NELFA: variants seen among roughly 807,000 people sequenced by gnomAD.
The protein encoded by NELFA is negative elongation factor complex member A.
NELFA carries 35 observed loss-of-function variants against 51.8 expected under a neutral mutation model. That is an observed-to-expected ratio of 0.68 (90% confidence interval 0.52 to 0.90). The LOEUF (loss-of-function observed/expected upper bound fraction) is 0.90, where lower values mean the gene tolerates loss of function less well. NELFA is among the 40% of genes least tolerant of loss of function. The pLI is 0.00. For synonymous variants in NELFA, 417 were observed against 338.4 expected, an observed-to-expected ratio of 1.23 and a Z score of -2.55; for missense variants, 658 against 746.4, an observed-to-expected ratio of 0.88 and a Z score of 1.38.
chr4:1,997,462 G>A (rs987401143), intron 1 of NELFA, among the ~76,000 whole-genome samples: 14 of 152,158 alleles, frequency 9.2e-5, no homozygotes, highest in Middle Eastern at 3.2e-3. Context: ...TAGGTTTACC[G>A]CAGGAATGCA....
In NELFA at chr4:1,989,930, G is replaced by T. The variant is rs1039846060; in HGVS notation, c.383-61C>A. ...AGGCCGCAGACCTCCCGGCTGAGAG[G>T]AGCTGGCGGCTGCCCAGCCCCACAC... is the stretch of plus-strand genomic sequence containing the variant. On this transcript the variant is annotated intron_variant, in intron 2 of 10. Transcript: ENST00000382882. This position sits in a 1 kb window ranked among gnomAD's most constrained non-coding sequence, Gnocchi z 4.8. 56 of 1,570,232 alleles carry T rather than the reference G, an allele frequency of 3.6e-5. No individual in the cohort carries two copies. The highest frequency in any genetic ancestry group is 4.8e-5 in the Non-Finnish European group (56 of 1,158,074).
intron 1 of NELFA, among the ~76,000 whole-genome samples, chr4:2,003,427 A>G (rs1390641654): frequency 2.0e-5 from 3 of 152,254 alleles, no homozygotes; most frequent in South Asian, 2.1e-4. Flanking sequence ...ACACACGTAC[A>G]GGTATGTTTA....
At chr4:2,007,219 A>C in intron 1 of NELFA, 1 of 333,628 alleles carries the variant, frequency 3.0e-6, no homozygotes, top group Non-Finnish European at 6.4e-6. Context: ...ACAAAACACA[A>C]ACACAAAAAC....
intron 1 of NELFA, among the ~76,000 whole-genome samples, chr4:1,997,475 G>C (rs562640819): frequency 2.9e-4 from 44 of 152,190 alleles, no homozygotes; most frequent in Admixed American, 4.6e-4. Context: ...GGAATGCAAG[G>C]TTGGTTTATA....
In NELFA at chr4:1,983,275, C is replaced by G; in HGVS notation, c.*44G>C. Reference sequence around the variant, plus strand: ...ACTTTAAGCTGGCAAAGCCATCGTCCCGTGGACCCCCACAAGTGACGGCCA... The same window carrying G: ...ACTTTAAGCTGGCAAAGCCATCGTCGCGTGGACCCCCACAAGTGACGGCCA... On this transcript the variant is annotated 3_prime_UTR_variant, in exon 11 of 11. Transcript: ENST00000382882. The G allele has an allele frequency of 6.3e-7, 1 of 1,577,394 alleles. No individual in the cohort carries two copies. The highest frequency in any genetic ancestry group is 1.3e-5 in the African/African-American group (1 of 74,512).
chr4:1,988,867 C>A (rs1728189307), intron 3 of NELFA, among the ~76,000 whole-genome samples: 1 of 152,112 alleles, frequency 6.6e-6, no homozygotes, highest in Non-Finnish European at 1.5e-5. Context: ...CCGTGCCCAA[C>A]AGCGTGACTC....
chr4:1,991,572 C>G lies in NELFA; in HGVS notation c.354G>C (p.Gln118His), dbSNP rs747585965. ...LELEEQNPNV[Q>H]DILGELREKV... The stretch of plus-strand genomic sequence containing the variant: ...TTTCTCTAAGTTCTCCCAAAATATC[C>G]TGAACGTTGGGATTCTGCTCCTCCA... Residue 118 changes from glutamine to histidine, a missense_variant, in exon 2 of 11, where the codon CAG becomes CAC. By Grantham distance (24) the Gln-to-His change is conservative. Transcript: ENST00000382882. 5.5e-5 allele frequency: 89 copies of G among 1,613,914 alleles called. No homozygotes were observed. Among genetic ancestry groups the G allele is most frequent in the Non-Finnish European group, 7.3e-5 (86 of 1,180,034 alleles).
At chr4:1,986,481 C>A (rs1373167338) in intron 4 of NELFA, 79 bp from the exon 5 acceptor site, 18 of 1,599,908 alleles carry the variant, frequency 1.1e-5, no homozygotes, top group Non-Finnish European at 1.3e-5. Flanking sequence ...ACGTCCCACC[C>A]TCTTCTAGGC....
chr4:1,995,283 G>A (rs1033053022), intron 1 of NELFA, among the ~76,000 whole-genome samples: 1 of 152,204 alleles, frequency 6.6e-6, no homozygotes, highest in Non-Finnish European at 1.5e-5. Context: ...GTGTGTGCAT[G>A]TATGTGTCTA....
intron 1 of NELFA, chr4:2,007,175 C>A: frequency 2.4e-6 from 1 of 415,982 alleles, no homozygotes; most frequent in Non-Finnish European, 5.0e-6. Context: ...CCACTGCACT[C>A]CAGCCTGGTT....
rs1202916976 is a variant in NELFA at position 1,993,795 on chromosome 4, C to CTT, written c.211-2082_211-2081dup. On this transcript the variant is annotated intron_variant, in intron 1 of 10. Coordinates refer to ENST00000382882, the MANE Select transcript of NELFA (RefSeq NM_005663.5). ...AAGGTGGGAACGAGCTCCCCTGGGCCTTTTTTTTTTTTTTTTTTTGAGACA... is the reference window on the plus strand; with the variant it reads ...AAGGTGGGAACGAGCTCCCCTGGGCCTTTTTTTTTTTTTTTTTTTTTGAGACA... 9.4e-3 allele frequency among the ~76,000 whole-genome samples: 1,121 copies of CTT among 118,930 alleles called. 24 individuals carry two copies. Among genetic ancestry groups the CTT allele is most frequent in the African/African-American group, 0.034 (1,042 of 30,732 alleles). 78.0% of individuals were successfully genotyped at this position (118,930 alleles called of 152,430 possible). A position where few individuals can be genotyped will look rare whatever the true frequency, so the allele number is the denominator to read the frequency against.
In NELFA at chr4:1,983,011, G is replaced by A. The variant is rs934579111; in HGVS notation, c.*308C>T. ...ATTTTAAAAAGTAAGAGTCTAACAG[G>A]CAGAGCTGTCACTAAAATTAGGAAG... On this transcript the variant is annotated 3_prime_UTR_variant, in exon 11 of 11. Transcript: ENST00000382882. 1 of 257,680 alleles carries A rather than the reference G, an allele frequency of 3.9e-6. No homozygotes were observed. The highest frequency in any genetic ancestry group is 7.3e-6 in the Non-Finnish European group (1 of 137,896). 16.0% of individuals were successfully genotyped at this position (257,680 alleles called of 1,614,324 possible).
At chr4:1,990,253 C>G (rs943083079) in intron 2 of NELFA, among the ~76,000 whole-genome samples, 21 of 152,296 alleles carry the variant, frequency 1.4e-4, no homozygotes, top group African/African-American at 5.1e-4. Flanking sequence ...TCTCTCTTCC[C>G]GTCCCCGAGG....
At chr4:1,984,566 C>T (rs921983799) in intron 8 of NELFA, among the ~76,000 whole-genome samples, 6 of 152,248 alleles carry the variant, frequency 3.9e-5, no homozygotes, top group East Asian at 1.9e-4. Flanking sequence ...CCCTTCCTGC[C>T]GTGTCCCCTG....
chr4:1,984,375 T>C (rs1043081167), intron 8 of NELFA, among the ~76,000 whole-genome samples: 3 of 152,110 alleles, frequency 2.0e-5, no homozygotes, highest in African/African-American at 7.2e-5. Context: ...CCCCATACCG[T>C]AGGCACTGCT....
chr4:2,008,853 G>A lies in NELFA; in HGVS notation c.107C>T (p.Ala36Val), dbSNP rs150929755. 54 of 1,605,866 alleles carry A rather than the reference G, an allele frequency of 3.4e-5. No individual in the cohort carries two copies. Among genetic ancestry groups the A allele is most frequent in the Admixed American group, 1.7e-5 (1 of 58,574 alleles). ...PPSIASLLTA[A>V]VIDNIRLCFH... ...GCAGAGACGGATGTTGTCGATGACCGCGGCCGTGAGCAGGGACGCGATGCT... is the reference window on the plus strand; with the variant it reads ...GCAGAGACGGATGTTGTCGATGACCACGGCCGTGAGCAGGGACGCGATGCT... Residue 36 changes from alanine to valine, a missense_variant, in exon 1 of 11, where the codon GCG (alanine) becomes GTG (valine). Physicochemically the swap from Ala to Val is moderately conservative, Grantham distance 64. Coordinates refer to ENST00000382882, the MANE Select transcript of NELFA (RefSeq NM_005663.5).
chr4:2,002,082 C>G (rs1372477798), intron 1 of NELFA, among the ~76,000 whole-genome samples: 1 of 151,840 alleles, frequency 6.6e-6, no homozygotes, highest in Admixed American at 6.6e-5. Context: ...CGCCTGTAGT[C>G]CCAGCTACTA....
At position 1,986,402 on chromosome 4, in the gene NELFA, G is replaced by T; in HGVS notation, c.635C>A (p.Thr212Asn). ...CTGCTTCGGGATGCCTTTGAGTGGG[G>T]CTGGAGGACGGCAACAGTCAGGGCG... Reference protein sequence around the residue: ...RGLLRKMDTTTPLKGIPKQAP... With the variant: ...RGLLRKMDTTNPLKGIPKQAP... Residue 212 changes from threonine to asparagine, a missense_variant and splice_region_variant, in exon 5 of 11, where the codon ACC becomes AAC. By Grantham distance (65) the Thr-to-Asn change is moderately conservative. Transcript: ENST00000382882. 6.2e-7 allele frequency: 1 copy of T among 1,612,522 alleles called. No homozygotes were observed. Among genetic ancestry groups the T allele is most frequent in the Non-Finnish European group, 8.5e-7 (1 of 1,179,562 alleles).
chr4:1,992,490 G>A (rs1209456434), intron 1 of NELFA: 3 of 430,652 alleles, frequency 7.0e-6, no homozygotes, highest in South Asian at 3.3e-5. Flanking sequence ...AGGCCATGGC[G>A]TGCCTGTGCC....
Sources: allele counts gnomAD v4.1 joint callset (sites outside exome capture counted in the v4.1 genomes callset), GRCh38; gene constraint gnomAD v4.1.1; non-coding constraint Gnocchi (gnomAD v3.1); transcripts MANE v1.5; gene names NCBI Gene and HGNC (gene_info 2026-07-23, HGNC 2026-07-21).